MEMO1: variants seen among roughly 807,000 people sequenced by gnomAD.
MEMO1 encodes the protein protein MEMO1.
A neutral mutation model predicts 45.2 loss-of-function variants in MEMO1; 6 were observed. The observed-to-expected ratio is 0.13, with a 90% CI of 0.07 to 0.26. The LOEUF is 0.26. Among genes scored for constraint, MEMO1 ranks in the 10% least tolerant of loss-of-function variants. The pLI, the probability that MEMO1 is intolerant of heterozygous loss-of-function variation, is 1.00. For synonymous variants in MEMO1, 78 were observed against 124.3 expected, an observed-to-expected ratio of 0.63 and a Z score of 2.48; for missense variants, 184 against 370.5, an observed-to-expected ratio of 0.50 and a Z score of 4.13.
intron 2 of MEMO1, among the ~76,000 whole-genome samples, chr2:32,007,767 A>G (rs115257706): frequency 1.3e-5 from 2 of 152,334 alleles, no homozygotes; most frequent in Non-Finnish European, 1.5e-5. Context: ...CCAAAGGTCA[A>G]TGTTATCAAT....
At chr2:31,956,801 A>G (rs1667461249) in intron 2 of MEMO1, among the ~76,000 whole-genome samples, 1 of 152,188 alleles carries the variant, frequency 6.6e-6, no homozygotes. Context: ...TATATCATAC[A>G]TGATTATGTA....
At chr2:31,895,415 A>G (rs559909215) in intron 6 of MEMO1, among the ~76,000 whole-genome samples, 2 of 152,374 alleles carry the variant, frequency 1.3e-5, no homozygotes, top group East Asian at 1.9e-4. Flanking sequence ...GAATATCAAC[A>G]AAGAAATAAA....
At position 31,962,270 on chromosome 2, in the gene MEMO1, T is replaced by C. The variant is rs529319174; in HGVS notation, c.62-18887A>G. Among the ~76,000 whole-genome samples, 40 of 152,160 alleles carry C rather than the reference T, an allele frequency of 2.6e-4. No homozygotes were observed. In the South Asian group the frequency reaches 7.7e-3, roughly 29 times the overall value. On this transcript the variant is annotated intron_variant, in intron 2 of 9. Coordinates refer to ENST00000404530, the MANE Select transcript of MEMO1 (RefSeq NM_001301833.4). Reference sequence around the variant, plus strand: ...TGGGTGTGGTGGCATGCACCTGTAATCCCAGCTATTCAGAAGGCTGAGGTA... The same window carrying C: ...TGGGTGTGGTGGCATGCACCTGTAACCCCAGCTATTCAGAAGGCTGAGGTA...
At chr2:31,968,179 G>C (rs113885453) in intron 2 of MEMO1, among the ~76,000 whole-genome samples, 1 of 152,186 alleles carries the variant, frequency 6.6e-6, no homozygotes, top group Non-Finnish European at 1.5e-5. Context: ...GACTGAAGCA[G>C]AATTTCTGGG....
rs559557305 is a variant in MEMO1 at position 31,955,594 on chromosome 2, A to G, written c.62-12211T>C. ...GAATGTTCTAGTCTAATTGAAAACT[A>G]TCCATGTTTATTTCTTTTTTTTTCT... On this transcript the variant is annotated intron_variant, in intron 2 of 9. Transcript: ENST00000404530. Among the ~76,000 whole-genome samples the G allele has an allele frequency of 9.2e-4, 140 of 152,160 alleles. 1 individual carries two copies. Among genetic ancestry groups the G allele is most frequent in the Non-Finnish European group, 1.7e-3 (114 of 67,996 alleles).
chr2:32,000,168 G>A (rs979255248), intron 2 of MEMO1, among the ~76,000 whole-genome samples: 1 of 151,746 alleles, frequency 6.6e-6, no homozygotes, highest in East Asian at 1.9e-4. Context: ...TCACAGACCT[G>A]AGCCACAGCA....
At chr2:31,904,053 A>G (rs1371137988) in intron 6 of MEMO1, among the ~76,000 whole-genome samples, 2 of 152,220 alleles carry the variant, frequency 1.3e-5, no homozygotes, top group Non-Finnish European at 2.9e-5. Flanking sequence ...AGCTATAATA[A>G]AGGTTAAGAT....
At position 31,957,309 on chromosome 2, in the gene MEMO1, T is replaced by C. The variant is rs190127595; in HGVS notation, c.62-13926A>G. On this transcript the variant is annotated intron_variant, in intron 2 of 9. Transcript: ENST00000404530. ...AGTAATAAAAAATATGGTGCAATCATATAACAGAATACTATGAAGTCATAA... is the reference window on the plus strand; with the variant it reads ...AGTAATAAAAAATATGGTGCAATCACATAACAGAATACTATGAAGTCATAA... 1.1e-3 allele frequency among the ~76,000 whole-genome samples: 161 copies of C among 152,324 alleles called. 1 individual carries two copies. Among genetic ancestry groups the C allele is most frequent in the African/African-American group, 3.8e-3 (159 of 41,574 alleles).
In MEMO1 at chr2:31,904,540, A is replaced by G. The variant is rs538241358; in HGVS notation, c.438-12406T>C. ...CACACCTGTAACTGGATTCTAGAGCACGCAACCTAGATCCCTCACATGTGC... is the reference window on the plus strand; with the variant it reads ...CACACCTGTAACTGGATTCTAGAGCGCGCAACCTAGATCCCTCACATGTGC... On this transcript the variant is annotated intron_variant, in intron 6 of 9. Coordinates refer to ENST00000404530, the MANE Select transcript of MEMO1 (RefSeq NM_001301833.4). 2.6e-5 allele frequency among the ~76,000 whole-genome samples: 4 copies of G among 152,338 alleles called. No individual in the cohort carries two copies. The East Asian group carries it at 7.7e-4, about 29-fold the overall frequency.
At chr2:31,958,812 T>G (rs1667683290) in intron 2 of MEMO1, among the ~76,000 whole-genome samples, 1 of 152,074 alleles carries the variant, frequency 6.6e-6, no homozygotes, top group Admixed American at 6.6e-5. Flanking sequence ...ACACTACGCC[T>G]GGTTAATTTT....
chr2:31,998,389 G>A (rs909767122), intron 2 of MEMO1, among the ~76,000 whole-genome samples: 3 of 152,024 alleles, frequency 2.0e-5, no homozygotes, highest in African/African-American at 7.2e-5. Flanking sequence ...ATTCCTTATA[G>A]GATCTCCCTC....
chr2:31,986,731 G>A (rs992201593), intron 2 of MEMO1, among the ~76,000 whole-genome samples: 1 of 152,136 alleles, frequency 6.6e-6, no homozygotes, highest in African/African-American at 2.4e-5. Flanking sequence ...AACAACTTAA[G>A]TAACTTCAAA....
chr2:31,954,403 G>A (rs1667176399), intron 2 of MEMO1, among the ~76,000 whole-genome samples: 1 of 152,096 alleles, frequency 6.6e-6, no homozygotes, highest in Non-Finnish European at 1.5e-5. Flanking sequence ...GGTCAACATA[G>A]TGAGACCCCT....
intron 2 of MEMO1, among the ~76,000 whole-genome samples, chr2:31,969,609 GT>G: frequency 1.3e-5 from 2 of 149,922 alleles, no homozygotes. Context: ...GTGTGTGTGT[GT>G]GTGTGTGTGT....
chr2:32,002,568 T>TA (rs1673544418), intron 2 of MEMO1, among the ~76,000 whole-genome samples: 1 of 152,090 alleles, frequency 6.6e-6, no homozygotes, highest in African/African-American at 2.4e-5. Context: ...ACTCTAATTT[T>TA]AGAGTCAGAC....
At chr2:31,930,157 G>A (rs1383295065) in intron 4 of MEMO1, among the ~76,000 whole-genome samples, 1 of 152,164 alleles carries the variant, frequency 6.6e-6, no homozygotes, top group African/African-American at 2.4e-5. Flanking sequence ...TAGCTACCTG[G>A]GAGGATGAGG....
chr2:31,997,314 T>C (rs1672729579), intron 2 of MEMO1, among the ~76,000 whole-genome samples: 1 of 152,148 alleles, frequency 6.6e-6, no homozygotes, highest in African/African-American at 2.4e-5. Context: ...ACACACTATA[T>C]TCAGAGAAAC....
At chr2:31,972,987 T>A (rs1321461287) in intron 2 of MEMO1, among the ~76,000 whole-genome samples, 1 of 152,108 alleles carries the variant, frequency 6.6e-6, no homozygotes, top group Non-Finnish European at 1.5e-5. Flanking sequence ...TGGCTATTTT[T>A]AAAAAAGGGA....
chr2:32,007,649 T>A (rs1180443586), intron 2 of MEMO1, among the ~76,000 whole-genome samples: 1 of 152,240 alleles, frequency 6.6e-6, no homozygotes, highest in Non-Finnish European at 1.5e-5. Context: ...ACTTGAATGC[T>A]GTAGGAACCA....
Sources: allele counts gnomAD v4.1 joint callset (sites outside exome capture counted in the v4.1 genomes callset), GRCh38; gene constraint gnomAD v4.1.1; transcripts MANE v1.5; gene names NCBI Gene and HGNC (gene_info 2026-07-23, HGNC 2026-07-21).